The following CCDC149 variants were observed in gnomAD, a reference collection of about 807,000 sequenced individuals.
The protein encoded by CCDC149 is coiled-coil domain-containing protein 149.
A neutral mutation model predicts 59.9 loss-of-function variants in CCDC149; 45 were observed. The observed-to-expected ratio is 0.75, with a 90% confidence interval of 0.59 to 0.96. The LOEUF (loss-of-function observed/expected upper bound fraction) is 0.96, where lower values mean the gene tolerates loss of function less well. Ranked by LOEUF, CCDC149 falls within the 40% of genes least tolerant of loss-of-function variation. The pLI is 0.00. For synonymous variants in CCDC149, 245 were observed against 260.6 expected (o/e 0.94, Z 0.58); for missense variants, 584 against 664.7 (o/e 0.88, Z 1.33).
intron 1 of CCDC149, among the ~76,000 whole-genome samples, chr4:24,941,392 A>C (rs1198568388): frequency 6.6e-6 from 1 of 152,172 alleles, no homozygotes; most frequent in Non-Finnish European, 1.5e-5. Flanking sequence ...GACACATTCA[A>C]AGCAGTGTGT....
At chr4:24,954,127 C>T (rs780206139) in intron 1 of CCDC149, among the ~76,000 whole-genome samples, 23 of 152,158 alleles carry the variant, frequency 1.5e-4, no homozygotes, top group Non-Finnish European at 2.8e-4. Context: ...TGGCTGAAAA[C>T]TTCCCAAATT....
rs538618790 is a variant in CCDC149, at chr4:24,843,190, T to C, written c.373-4918A>G. Among the ~76,000 whole-genome samples the C allele has an allele frequency of 2.6e-5, 4 of 152,282 alleles. No homozygotes were observed. The South Asian group carries it at 6.2e-4, about 24-fold the overall frequency. ...TTCAAAGTGCAATCCCCAGTTACAG[T>C]TGGTATAGTTACAATTCTTACACAG... On this transcript the variant is annotated intron_variant, in intron 4 of 12. Transcript: ENST00000635206.
Position 24,836,462 on chromosome 4 carries a change from A to T in CCDC149, c.709T>A (p.Leu237Met), listed in dbSNP as rs751851391. ...TTGTATTTGGCAATGTTTGATTTCAAGAGGTTGACCTCTTCATGGAGTTGC... is the reference window on the plus strand; with the variant it reads ...TTGTATTTGGCAATGTTTGATTTCATGAGGTTGACCTCTTCATGGAGTTGC... Residue 237 changes from leucine (L) to methionine (M), a missense_variant, in exon 7 of 13, where the codon TTG (leucine) becomes ATG (methionine). Leu to Met is a conservative substitution (Grantham distance 15, BLOSUM62 2). Transcript: ENST00000635206. 2 of 1,612,594 alleles carry T rather than the reference A, an allele frequency of 1.2e-6. No homozygotes were observed.
intron 12 of CCDC149, among the ~76,000 whole-genome samples, chr4:24,811,368 G>A (rs1212408043): frequency 6.6e-6 from 1 of 151,708 alleles, no homozygotes; most frequent in African/African-American, 2.4e-5. Flanking sequence ...CCCCCTGCTT[G>A]TGAGGTCTAC....
chr4:24,952,615 AAAAAAAAAAAAATATATATATATATATAT>A (rs1216807511), intron 1 of CCDC149, among the ~76,000 whole-genome samples: 1 of 39,788 alleles, frequency 2.5e-5, no homozygotes, highest in Admixed American at 3.6e-4. Flanking sequence ...AAAAAAAAAA[AAAAAAAAAAAAATATATATATATATATAT>A]ATATATATAT....
intron 1 of CCDC149, among the ~76,000 whole-genome samples, chr4:24,954,226 C>G (rs568411731): frequency 6.6e-6 from 1 of 152,362 alleles, no homozygotes; most frequent in South Asian, 2.1e-4. Flanking sequence ...AGCTTCAAGA[C>G]AGCCCTGCCC....
chr4:24,904,782 T>C (rs1465694792), intron 1 of CCDC149, among the ~76,000 whole-genome samples: 4 of 152,254 alleles, frequency 2.6e-5, no homozygotes, highest in Non-Finnish European at 5.9e-5. Flanking sequence ...AGTTCCCTAA[T>C]GACTAAGGAT....
chr4:24,968,731 G>C (rs1369097247), intron 1 of CCDC149, among the ~76,000 whole-genome samples: 2 of 152,214 alleles, frequency 1.3e-5, no homozygotes, highest in Non-Finnish European at 2.9e-5. Flanking sequence ...AGCCTATTGG[G>C]CAGTATGGAT....
At chr4:24,902,762 C>T (rs1721241540) in intron 1 of CCDC149, among the ~76,000 whole-genome samples, 1 of 152,162 alleles carries the variant, frequency 6.6e-6, no homozygotes. Flanking sequence ...GTGGCTCACA[C>T]CTTGAATCCC....
intron 1 of CCDC149, among the ~76,000 whole-genome samples, chr4:24,884,669 A>C (rs1044133099): frequency 2.0e-5 from 3 of 152,244 alleles, no homozygotes; most frequent in African/African-American, 7.2e-5. Context: ...TTTGTCACTC[A>C]CTAGCGACAT....
chr4:24,929,409 A>G (rs1467054105), intron 1 of CCDC149, among the ~76,000 whole-genome samples: 2 of 152,232 alleles, frequency 1.3e-5, no homozygotes, highest in African/African-American at 4.8e-5. Flanking sequence ...CACCACCGCT[A>G]TCATTTCCAT....
intron 1 of CCDC149, among the ~76,000 whole-genome samples, chr4:24,939,441 C>A (rs543354455): frequency 6.6e-6 from 1 of 152,056 alleles, no homozygotes; most frequent in Non-Finnish European, 1.5e-5. Flanking sequence ...CACAAAGATG[C>A]GGAAAAAACA....
intron 1 of CCDC149, chr4:24,895,091 T>C (rs1720764736): frequency 7.9e-7 from 1 of 1,273,478 alleles, no homozygotes; most frequent in Non-Finnish European, 1.1e-6. Flanking sequence ...GTGGCAACTA[T>C]CCACTACTTA....
At chr4:24,934,594 T>C (rs1233210339) in intron 1 of CCDC149, among the ~76,000 whole-genome samples, 2 of 152,206 alleles carry the variant, frequency 1.3e-5, no homozygotes, top group African/African-American at 4.8e-5. Context: ...CACTTTCTAA[T>C]GGCAGAATTA....
intron 1 of CCDC149, among the ~76,000 whole-genome samples, chr4:24,904,254 T>C (rs904826005): frequency 3.3e-5 from 5 of 152,230 alleles, no homozygotes; most frequent in Admixed American, 6.5e-5. Flanking sequence ...CTTAAAAAGA[T>C]AGAAGACAGC....
At chr4:24,908,225 A>G (rs1027809782) in intron 1 of CCDC149, among the ~76,000 whole-genome samples, 5 of 152,174 alleles carry the variant, frequency 3.3e-5, no homozygotes, top group African/African-American at 1.2e-4. Context: ...ATTGCCTCTA[A>G]GCTGATCCAC....
chr4:24,862,381 G>A (rs1256720125), intron 3 of CCDC149, among the ~76,000 whole-genome samples: 4 of 152,122 alleles, frequency 2.6e-5, no homozygotes, highest in African/African-American at 9.7e-5. Context: ...CAGCCGTGGC[G>A]GCCAGAAGTT....
intron 1 of CCDC149, among the ~76,000 whole-genome samples, chr4:24,907,186 C>A (rs1230881616): frequency 1.3e-5 from 2 of 152,196 alleles, no homozygotes; most frequent in African/African-American, 4.8e-5. Context: ...CCTTGCCCGG[C>A]AGAGGCCTAT....
Position 24,837,084 on chromosome 4 carries a change from T to C in CCDC149, c.662+144A>G, listed in dbSNP as rs1435901229. 6 of 725,818 alleles carry C rather than the reference T, an allele frequency of 8.3e-6. No homozygotes were observed. Among genetic ancestry groups the C allele is most frequent in the Non-Finnish European group, 1.1e-5 (5 of 446,770 alleles). The allele number at this position is 725,818 out of a possible 1,614,324, so 45.0% of individuals were successfully genotyped here. A position where few individuals can be genotyped will look rare whatever the true frequency, so the allele number is the denominator to read the frequency against. ...TTTTGCAACTAATACATGGCATTGA[T>C]GTCATCATTTCGGGGGAGTGAGTTT... On this transcript the variant is annotated intron_variant, in intron 6 of 12. Transcript: ENST00000635206. This position sits in a 1 kb window ranked among gnomAD's most constrained non-coding sequence, Gnocchi z 4.3.
Sources: allele counts gnomAD v4.1 joint callset (sites outside exome capture counted in the v4.1 genomes callset), GRCh38; gene constraint gnomAD v4.1.1; non-coding constraint Gnocchi (gnomAD v3.1); transcripts MANE v1.5; gene names NCBI Gene and HGNC (gene_info 2026-07-23, HGNC 2026-07-21).